ITGB2: variants seen among roughly 807,000 people sequenced by gnomAD.
The protein encoded by ITGB2 is integrin subunit beta 2.
In ITGB2, 56 loss-of-function variants were observed where a neutral mutation model predicts 86.8. The observed-to-expected ratio is 0.65, with a 90% CI of 0.52 to 0.81. ITGB2 has a LOEUF of 0.81. ITGB2 is among the 30% of genes least tolerant of loss of function. The pLI is 0.00. For missense variants in ITGB2, 948 were observed against 1,061.2 expected (o/e 0.89, Z 1.48); for synonymous variants, 457 against 450.4 (o/e 1.01, Z -0.19).
At chr21:44,886,553 C>G in intron 15 of ITGB2, 123 bp from the exon 16 acceptor site, 1 of 1,397,820 alleles carries the variant, frequency 7.2e-7, no homozygotes, top group Non-Finnish European at 1.0e-6. Flanking sequence ...GTGGGGCAGC[C>G]CCCCCAGGGT....
intron 10 of ITGB2, chr21:44,893,109 G>C: frequency 2.6e-6 from 1 of 378,876 alleles, no homozygotes; most frequent in Non-Finnish European, 5.1e-6. Flanking sequence ...CACCCTCTCG[G>C]CACCCTCTCA....
At chr21:44,906,006 C>G (rs2084036323) in intron 4 of ITGB2, among the ~76,000 whole-genome samples, 1 of 152,086 alleles carries the variant, frequency 6.6e-6, no homozygotes, top group Non-Finnish European at 1.5e-5. Context: ...GATGGCTTCC[C>G]CTTCCTTCCC....
chr21:44,917,376 T>A lies in ITGB2; in HGVS notation c.-4+3445A>T, dbSNP rs533451282. Reference sequence around the variant, plus strand: ...CTGGGTGGTGGCACTATGAGTATTTTCAATTTTCATTATTCCTGTTTGTAT... The same window carrying A: ...CTGGGTGGTGGCACTATGAGTATTTACAATTTTCATTATTCCTGTTTGTAT... On this transcript the variant is annotated intron_variant, in intron 1 of 15. Coordinates refer to ENST00000652462, the MANE Select transcript of ITGB2 (RefSeq NM_000211.5). Among the ~76,000 whole-genome samples, 6 of 152,364 alleles carry A rather than the reference T, an allele frequency of 3.9e-5. No homozygotes were observed. The South Asian group carries it at 1.2e-3, about 32-fold the overall frequency.
rs756942297 is a variant in ITGB2, at chr21:44,901,732, G to A, written c.501C>T (p.Gly167=). 7.5e-6 allele frequency: 12 copies of A among 1,607,868 alleles called. No homozygotes were observed. The highest frequency in any genetic ancestry group is 9.4e-6 in the Non-Finnish European group (11 of 1,174,876). Residue 167 remains glycine (G), a splice_region_variant and synonymous_variant, in exon 6 of 16, where the codon GGC becomes GGT. Coordinates refer to ENST00000652462, the MANE Select transcript of ITGB2 (RefSeq NM_000211.5). ...CGGTCTTGTCCACGAAGGACCCGAA[G>A]CCTGCAGGGCACATGGAGGGGCTGG... ...LNEITESGRI[G]FGSFVDKTVL... is the part of the protein sequence containing the mutation.
intron 1 of ITGB2, among the ~76,000 whole-genome samples, chr21:44,918,601 T>A (rs2084246094): frequency 6.6e-6 from 1 of 152,150 alleles, no homozygotes; most frequent in African/African-American, 2.4e-5. Context: ...ATAGGGCCCC[T>A]CCCATCTCCT....
chr21:44,919,089 G>T (rs368357865), intron 1 of ITGB2, among the ~76,000 whole-genome samples: 1 of 135,958 alleles, frequency 7.4e-6, no homozygotes, highest in African/African-American at 2.8e-5. Flanking sequence ...CGGCAGTGAC[G>T]CTGCGGAGCT....
intron 8 of ITGB2, among the ~76,000 whole-genome samples, chr21:44,895,581 C>T (rs2083852920): frequency 6.6e-6 from 1 of 151,628 alleles, no homozygotes; most frequent in Non-Finnish European, 1.5e-5. Flanking sequence ...ATGGCTCACG[C>T]CTGTGATCCC....
In ITGB2 at chr21:44,893,707, G is replaced by C. The variant is rs532203669; in HGVS notation, c.1084-163C>G. 17 of 886,368 alleles carry C rather than the reference G, an allele frequency of 1.9e-5. No individual in the cohort carries two copies. In the East Asian group the frequency reaches 4.5e-4, roughly 23 times the overall value. The allele number at this position is 886,368 out of a possible 1,614,324, so 54.9% of individuals were successfully genotyped here. A position where few individuals can be genotyped will look rare whatever the true frequency, so the allele number is the denominator to read the frequency against. On this transcript the variant is annotated intron_variant, in intron 9 of 15. Coordinates refer to ENST00000652462, the MANE Select transcript of ITGB2 (RefSeq NM_000211.5). The stretch of plus-strand genomic sequence containing the variant: ...ACAGCAGGATGTGCTGAGGATGGCA[G>C]GGCTGCCAGGGCCACAGTCCTGCCC...
intron 8 of ITGB2, among the ~76,000 whole-genome samples, chr21:44,895,601 G>A (rs1306664810): frequency 6.6e-6 from 1 of 151,844 alleles, no homozygotes; most frequent in African/African-American, 2.4e-5. Context: ...CAGCACTTTG[G>A]GAGGCCAAAG....
chr21:44,922,597 C>T (rs2084320488), upstream of ITGB2, among the ~76,000 whole-genome samples: 1 of 148,474 alleles, frequency 6.7e-6, no homozygotes, highest in South Asian at 2.1e-4. Context: ...TGCTTGAGCC[C>T]AAGAGGTTGA....
chr21:44,926,901 T>C (rs1159587319), intron 1 of ITGB2: 2 of 152,204 alleles, frequency 1.3e-5, no homozygotes, highest in Admixed American at 1.3e-4. Flanking sequence ...GACCCTGAGC[T>C]CCAGAACAGA....
At chr21:44,896,863 T>C (rs1011429196) in intron 8 of ITGB2, among the ~76,000 whole-genome samples, 7 of 152,220 alleles carry the variant, frequency 4.6e-5, no homozygotes, top group African/African-American at 1.7e-4. Context: ...CTGCCTCCAG[T>C]GCCTGGCCCT....
rs1040711742 is a variant in ITGB2, at chr21:44,886,094, C to G, written c.*274G>C. 3.7e-6 allele frequency: 2 copies of G among 547,314 alleles called. No individual in the cohort carries two copies. Among genetic ancestry groups the G allele is most frequent in the Non-Finnish European group, 6.6e-6 (2 of 303,666 alleles). 33.9% of individuals were successfully genotyped at this position (547,314 alleles called of 1,614,324 possible). A position where few individuals can be genotyped will look rare whatever the true frequency, so the allele number is the denominator to read the frequency against. On this transcript the variant is annotated 3_prime_UTR_variant, in exon 16 of 16. Transcript: ENST00000652462. ...GCACCACCTTTAATCAGACTGATGT[C>G]CTGACTTGCACAGGAAACACGCACC...
chr21:44,901,314 T>C (rs2083953379), intron 6 of ITGB2, among the ~76,000 whole-genome samples, 178 bp downstream of exon 6: 1 of 152,218 alleles, frequency 6.6e-6, no homozygotes, highest in South Asian at 2.1e-4. Context: ...TCACCCTCCC[T>C]TCCTCCTGCC....
intron 11 of ITGB2, 106 bp downstream of exon 11, chr21:44,891,703 G>T: frequency 7.7e-7 from 1 of 1,304,836 alleles, no homozygotes; most frequent in Middle Eastern, 2.5e-4. Flanking sequence ...CCTGCTCCGT[G>T]GGGTGGGGGA....
Position 44,901,666 on chromosome 21 carries a change from G to C in ITGB2, c.567C>G (p.Asn189Lys), listed in dbSNP as rs1794806923. The C allele has an allele frequency of 6.2e-7, 1 of 1,614,140 alleles. No individual in the cohort carries two copies. The highest frequency in any genetic ancestry group is 8.5e-7 in the Non-Finnish European group (1 of 1,180,038). ...ACTCTTTCTCCTTGTTGGGGCATGG[G>C]TTTCGCAGCTTATCAGGGTGCGTGT... ...FVNTHPDKLR[N>K]PCPNKEKECQ... Residue 189 changes from asparagine to lysine, a missense_variant, in exon 6 of 16, where the codon AAC (asparagine) becomes AAG (lysine). By Grantham distance (94) the Asn-to-Lys change is moderately conservative (BLOSUM62 0). Transcript: ENST00000652462.
At position 44,901,769 on chromosome 21, in the gene ITGB2, G is replaced by T. The variant is rs760799630; in HGVS notation, c.500-36C>A. ...CATGGAGGGGCTGGGGAGGTGGCAG[G>T]CTGGGCCCAGGTGGGAGGGCCAGCT... On this transcript the variant is annotated intron_variant, in intron 5 of 15. Coordinates refer to ENST00000652462, the MANE Select transcript of ITGB2 (RefSeq NM_000211.5). 5.0e-6 allele frequency: 8 copies of T among 1,588,294 alleles called. No individual in the cohort carries two copies. The South Asian group carries it at 5.6e-5, about 11-fold the overall frequency.
At chr21:44,888,633 T>C (rs2083732831) in intron 14 of ITGB2, 60 bp downstream of exon 14, 6 of 1,571,276 alleles carry the variant, frequency 3.8e-6, no homozygotes, top group Non-Finnish European at 4.3e-6. Flanking sequence ...CCCTCGCCTC[T>C]GCGGAGACCC....
At chr21:44,886,597 C>A in intron 15 of ITGB2, 139 bp downstream of exon 15, 2 of 1,430,574 alleles carry the variant, frequency 1.4e-6, no homozygotes, top group Admixed American at 1.7e-5. Flanking sequence ...CCCACAGCGG[C>A]GGACGCCCAG....
Sources: gnomAD v4.1 joint callset for allele counts (sites outside exome capture counted in the v4.1 genomes callset) on GRCh38, gnomAD v4.1.1 for gene constraint, MANE v1.5 for transcripts, NCBI Gene and HGNC (gene_info 2026-07-23, HGNC 2026-07-21) for gene names.